Variants in VTA1 observed in about 807,000 individuals in gnomAD.
The protein encoded by VTA1 is vesicle trafficking 1.
In VTA1, 24 loss-of-function variants were observed where a neutral mutation model predicts 36.9. The observed-to-expected ratio is 0.65, with a 90% CI of 0.47 to 0.91. The LOEUF (loss-of-function observed/expected upper bound fraction) is 0.91, where lower values mean the gene tolerates loss of function less well. Ranked by LOEUF, VTA1 falls within the 40% of genes least tolerant of loss-of-function variation. VTA1 has a pLI of 0.00. For missense variants in VTA1, 393 were observed against 377.2 expected (o/e 1.04, Z -0.35); for synonymous variants, 142 against 130.2 (o/e 1.09, Z -0.62).
chr6:142,206,492 G>GA (rs1380120455), intron 7 of VTA1, among the ~76,000 whole-genome samples: 1 of 152,174 alleles, frequency 6.6e-6, no homozygotes, highest in African/African-American at 2.4e-5. Flanking sequence ...TGCATAAGAA[G>GA]ACTGTATTCT....
At chr6:142,177,409 G>T (rs1019882764) in intron 4 of VTA1, among the ~76,000 whole-genome samples, 1 of 152,182 alleles carries the variant, frequency 6.6e-6, no homozygotes, top group East Asian at 1.9e-4. Context: ...TGTAATACCT[G>T]TTTTGTCAAG....
Position 142,189,454 on chromosome 6 carries a change from G to A in VTA1, c.440G>A (p.Trp147Ter), listed in dbSNP as rs751098807. ...ENVKHRKYAR[W>*]KATYIHNCLK... ...GTGAAACACAGGAAGTATGCCAGAT[G>A]GAAGGCAACATACATCCATAATTGT... The change falls in exon 5 of 8, where the codon TGG becomes TAG. Residue 147 changes from tryptophan to a stop codon, truncating the protein, a stop_gained. Transcript: ENST00000367630. LOFTEE classifies it high-confidence loss of function. The A allele has an allele frequency of 6.2e-7, 1 of 1,613,892 alleles. No homozygotes were observed. Among genetic ancestry groups the A allele is most frequent in the Non-Finnish European group, 8.5e-7 (1 of 1,179,912 alleles).
At chr6:142,157,668 A>G (rs945953709) in intron 1 of VTA1, among the ~76,000 whole-genome samples, 2 of 152,110 alleles carry the variant, frequency 1.3e-5, no homozygotes, top group Non-Finnish European at 2.9e-5. Context: ...TTCTATGACA[A>G]TTATATTTGG....
intron 1 of VTA1, among the ~76,000 whole-genome samples, chr6:142,163,209 A>G (rs781272873): frequency 1.3e-4 from 20 of 152,100 alleles, no homozygotes; most frequent in Non-Finnish European, 2.2e-4. Flanking sequence ...TTGCAGTTCA[A>G]ATTTACCAGC....
At chr6:142,158,387 A>G (rs973686455) in intron 1 of VTA1, among the ~76,000 whole-genome samples, 5 of 152,160 alleles carry the variant, frequency 3.3e-5, no homozygotes. Flanking sequence ...TTTTATTAAC[A>G]TACTCAGGAT....
intron 7 of VTA1, among the ~76,000 whole-genome samples, chr6:142,205,531 G>A (rs1246096365): frequency 1.3e-5 from 2 of 152,008 alleles, no homozygotes; most frequent in East Asian, 3.9e-4. Flanking sequence ...CTTAACTCAG[G>A]ATGTACTCCA....
chr6:142,152,121 T>C (rs76894720), intron 1 of VTA1, among the ~76,000 whole-genome samples: 1 of 151,896 alleles, frequency 6.6e-6, no homozygotes, highest in African/African-American at 2.4e-5. Flanking sequence ...TTTTTTTTTT[T>C]CACTGAGGGA....
rs1414037527 is a variant in VTA1 at position 142,224,631 on chromosome 6, C to T, written c.*5988C>T. 1.3e-5 allele frequency: 2 copies of T among 151,922 alleles called. No homozygotes were observed. Among genetic ancestry groups the T allele is most frequent in the Non-Finnish European group, 2.9e-5 (2 of 67,982 alleles). 9.4% of individuals were successfully genotyped at this position (151,922 alleles called of 1,614,324 possible). ...ATTCTGACCTGGTGAAATAAATATA[C>T]GAATGGGCAAAAAAATATATACTAA... On this transcript the variant is annotated 3_prime_UTR_variant, in exon 8 of 8. Coordinates refer to ENST00000367630, the MANE Select transcript of VTA1 (RefSeq NM_016485.5).
chr6:142,179,715 T>C (rs1582888224), intron 4 of VTA1, among the ~76,000 whole-genome samples: 1 of 152,334 alleles, frequency 6.6e-6, no homozygotes, highest in East Asian at 1.9e-4. Flanking sequence ...TATATTAATC[T>C]GTTTGTCACA....
rs889711721 is a variant in VTA1 at position 142,223,263 on chromosome 6, A to G, written c.*4620A>G. 1.3e-5 allele frequency: 2 copies of G among 152,230 alleles called. No homozygotes were observed. Among genetic ancestry groups the G allele is most frequent in the African/African-American group, 2.4e-5 (1 of 41,468 alleles). The allele number at this position is 152,230 out of a possible 1,614,324, so 9.4% of individuals were successfully genotyped here. A position where few individuals can be genotyped will look rare whatever the true frequency, so the allele number is the denominator to read the frequency against. On this transcript the variant is annotated 3_prime_UTR_variant, in exon 8 of 8. Coordinates refer to ENST00000367630, the MANE Select transcript of VTA1 (RefSeq NM_016485.5). The stretch of plus-strand genomic sequence containing the variant: ...TATGACCTGAAATTGTATGGACTGC[A>G]GCAATCCAAGGGGACACTAAGCAGG...
intron 5 of VTA1, among the ~76,000 whole-genome samples, chr6:142,198,119 A>ATATATGTG (rs1315222547): frequency 1.0e-4 from 10 of 98,250 alleles, no homozygotes; most frequent in Non-Finnish European, 1.6e-4. Context: ...ATATATATAT[A>ATATATGTG]TGTGTGTGTG....
At chr6:142,183,233 T>C (rs1439724310) in intron 4 of VTA1, among the ~76,000 whole-genome samples, 1 of 152,160 alleles carries the variant, frequency 6.6e-6, no homozygotes, top group East Asian at 1.9e-4. Context: ...GATTAAAAAC[T>C]TGCCTAGGAT....
chr6:142,179,650 C>T (rs1247807662), intron 4 of VTA1, among the ~76,000 whole-genome samples: 1 of 152,004 alleles, frequency 6.6e-6, no homozygotes, highest in Non-Finnish European at 1.5e-5. Context: ...CATGCGCGCA[C>T]ACCAAAGGAA....
chr6:142,158,492 C>T (rs1488962063), intron 1 of VTA1, among the ~76,000 whole-genome samples: 2 of 152,112 alleles, frequency 1.3e-5, no homozygotes, highest in Non-Finnish European at 2.9e-5. Context: ...GGCGATTACT[C>T]GTTTGATATT....
Position 142,224,155 on chromosome 6 carries a change from G to C in VTA1, c.*5512G>C, listed in dbSNP as rs1776161381. On this transcript the variant is annotated 3_prime_UTR_variant, in exon 8 of 8. Coordinates refer to ENST00000367630, the MANE Select transcript of VTA1 (RefSeq NM_016485.5). Reference sequence around the variant, plus strand: ...TAGGTCTGCTGTCATTACAAGAAGAGGAAGAGCCACCGGAGCTGGCTCATT... The same window carrying C: ...TAGGTCTGCTGTCATTACAAGAAGACGAAGAGCCACCGGAGCTGGCTCATT... The C allele has an allele frequency of 6.6e-6, 1 of 152,206 alleles. No homozygotes were observed. Among genetic ancestry groups the C allele is most frequent in the Non-Finnish European group, 1.5e-5 (1 of 68,066 alleles). The allele number at this position is 152,206 out of a possible 1,614,324, so 9.4% of individuals were successfully genotyped here. A position where few individuals can be genotyped will look rare whatever the true frequency, so the allele number is the denominator to read the frequency against.
intron 7 of VTA1, among the ~76,000 whole-genome samples, chr6:142,206,656 G>C (rs2114681270): frequency 6.6e-6 from 1 of 152,244 alleles, no homozygotes; most frequent in South Asian, 2.1e-4. Context: ...TGAAGGAGAA[G>C]AACAAAGTTG....
intron 5 of VTA1, among the ~76,000 whole-genome samples, chr6:142,198,153 G>A (rs1005274470): frequency 6.8e-6 from 1 of 146,150 alleles, no homozygotes; most frequent in African/African-American, 2.5e-5. Flanking sequence ...GTGTGTGTGT[G>A]TGTGTGTGTG....
rs1298533316 is a variant in VTA1, at chr6:142,220,607, G to T, written c.*1964G>T. The T allele has an allele frequency of 6.6e-6, 1 of 152,152 alleles. No individual in the cohort carries two copies. Among genetic ancestry groups the T allele is most frequent in the African/African-American group, 2.4e-5 (1 of 41,444 alleles). 9.4% of individuals were successfully genotyped at this position (152,152 alleles called of 1,614,324 possible). ...TACTAATGCTCTAATAATGTAAATT[G>T]TTAATAATTTATTTCCCTAATATCA... On this transcript the variant is annotated 3_prime_UTR_variant, in exon 8 of 8. Transcript: ENST00000367630.
At chr6:142,180,251 G>A (rs1775202148) in intron 4 of VTA1, among the ~76,000 whole-genome samples, 1 of 152,180 alleles carries the variant, frequency 6.6e-6, no homozygotes, top group Non-Finnish European at 1.5e-5. Flanking sequence ...ACCTTCTTGT[G>A]ACAGAAAGGA....
Sources: gnomAD v4.1 joint callset for allele counts (sites outside exome capture counted in the v4.1 genomes callset) on GRCh38, gnomAD v4.1.1 for gene constraint, MANE v1.5 for transcripts, NCBI Gene and HGNC (gene_info 2026-07-23, HGNC 2026-07-21) for gene names.